The following UBE2B variants were observed in gnomAD, a reference collection of about 807,000 sequenced individuals.
UBE2B encodes ubiquitin-conjugating enzyme E2 B.
In UBE2B, 11 loss-of-function variants were observed where a neutral mutation model predicts 24.6. The observed-to-expected ratio is 0.45, with a 90% CI of 0.28 to 0.74. UBE2B has a LOEUF of 0.74. UBE2B is among the 30% of genes least tolerant of loss of function. UBE2B has a pLI of 0.13. For synonymous variants in UBE2B, 68 were observed against 62.4 expected (o/e 1.09, Z -0.42); for missense variants, 78 against 185.6 (o/e 0.42, Z 3.37).
chr5:134,379,937 C>CA (rs1219545003), intron 3 of UBE2B, among the ~76,000 whole-genome samples: 2 of 151,078 alleles, frequency 1.3e-5, no homozygotes, highest in Non-Finnish European at 3.0e-5. Context: ...TTTTTGGAGA[C>CA]AGAGTCTTGC....
intron 3 of UBE2B, among the ~76,000 whole-genome samples, chr5:134,378,050 G>A (rs1758638192): frequency 6.6e-6 from 1 of 152,038 alleles, no homozygotes; most frequent in African/African-American, 2.4e-5. Flanking sequence ...AGGCATGGTG[G>A]TACATGCCTT....
chr5:134,371,718 C>T, intron 1 of UBE2B, 79 bp downstream of exon 1: 6 of 1,591,806 alleles, frequency 3.8e-6, no homozygotes, highest in South Asian at 1.1e-5. Flanking sequence ...GACACCTTCC[C>T]CTTTGTGACC....
intron 2 of UBE2B, among the ~76,000 whole-genome samples, chr5:134,374,957 A>G (rs1426821008): frequency 6.6e-6 from 1 of 152,120 alleles, no homozygotes; most frequent in Non-Finnish European, 1.5e-5. Context: ...AAAAAAAAAA[A>G]GGAAAAAGTT....
At chr5:134,374,593 T>A in intron 2 of UBE2B, 130 bp downstream of exon 2, 28 of 1,041,534 alleles carry the variant, frequency 2.7e-5, no homozygotes, top group Admixed American at 2.3e-4. Context: ...GCAAGATAAA[T>A]TAGAAAAAAA....
chr5:134,386,739 A>G (rs2149693590), intron 4 of UBE2B, among the ~76,000 whole-genome samples: 1 of 152,276 alleles, frequency 6.6e-6, no homozygotes, highest in East Asian at 1.9e-4. Context: ...TTGACTACAT[A>G]TACTTTAAAT....
At position 134,375,659 on chromosome 5, in the gene UBE2B, C is replaced by T. The variant is rs1217898104; in HGVS notation, c.126-1010C>T. Reference sequence around the variant, plus strand: ...AAAATACAAAAAAAAATTAGCCGGGCGAGGTGGCGGGCGCCTGTAGTCCCA... The same window carrying T: ...AAAATACAAAAAAAAATTAGCCGGGTGAGGTGGCGGGCGCCTGTAGTCCCA... On this transcript the variant is annotated intron_variant, in intron 2 of 5. Transcript: ENST00000265339. 2.4e-4 allele frequency among the ~76,000 whole-genome samples: 36 copies of T among 151,680 alleles called. 1 individual carries two copies. The highest frequency in any genetic ancestry group is 2.2e-3 in the Admixed American group (34 of 15,220).
intron 1 of UBE2B, 81 bp from the exon 2 acceptor site, chr5:134,374,302 G>A (rs549370621): frequency 1.6e-6 from 2 of 1,233,534 alleles, no homozygotes; most frequent in Non-Finnish European, 2.3e-6. Flanking sequence ...AAAATAGATG[G>A]TATAGTGTCT....
At chr5:134,382,957 G>A (rs918527273) in intron 4 of UBE2B, among the ~76,000 whole-genome samples, 2 of 151,916 alleles carry the variant, frequency 1.3e-5, no homozygotes, top group African/African-American at 4.8e-5. Flanking sequence ...ATGAGGTCAA[G>A]AGATCAAGAC....
In UBE2B at chr5:134,376,337, A is replaced by AT. The variant is rs1327583076; in HGVS notation, c.126-332_126-331insT. Among the ~76,000 whole-genome samples, 88 of 76,978 alleles carry AT rather than the reference A, an allele frequency of 1.1e-3. 5 individuals carry two copies. The highest frequency in any genetic ancestry group is 2.3e-3 in the South Asian group (5 of 2,156). 50.5% of individuals were successfully genotyped at this position (76,978 alleles called of 152,430 possible). ...AACTCCGTCTCAAAAAAAAAAAAAA[A>AT]AAAAAAAAAAAATATATATATATAT... On this transcript the variant is annotated intron_variant, in intron 2 of 5. Transcript: ENST00000265339.
intron 4 of UBE2B, 69 bp from the exon 5 acceptor site, chr5:134,388,256 T>G: frequency 7.6e-7 from 1 of 1,313,274 alleles, no homozygotes. Flanking sequence ...AGCATTCTGT[T>G]TGGTAAAGAT....
rs1009356207 is a variant in UBE2B at position 134,388,084 on chromosome 5, G to T, written c.242-241G>T. ...CTCCCAAAGTGTTCAGGACTGGCGTGAGCCACCGTGCCCAGCCTCCAGCAA... is the reference window on the plus strand; with the variant it reads ...CTCCCAAAGTGTTCAGGACTGGCGTTAGCCACCGTGCCCAGCCTCCAGCAA... On this transcript the variant is annotated intron_variant, in intron 4 of 5. Coordinates refer to ENST00000265339, the MANE Select transcript of UBE2B (RefSeq NM_003337.4). 5.8e-6 allele frequency: 3 copies of T among 514,406 alleles called. No homozygotes were observed. In the Admixed American group the frequency reaches 9.5e-5, roughly 16 times the overall value. The allele number at this position is 514,406 out of a possible 1,614,324, so 31.9% of individuals were successfully genotyped here.
chr5:134,385,560 C>T (rs531232998), intron 4 of UBE2B: 10 of 152,080 alleles, frequency 6.6e-5, no homozygotes, highest in African/African-American at 2.2e-4. Flanking sequence ...AAATACTTAA[C>T]GTTCATTGCT....
At chr5:134,388,946 GTTTTTTTTTTTTT>G in intron 5 of UBE2B, 23 of 172,264 alleles carry the variant, frequency 1.3e-4, no homozygotes, top group South Asian at 3.2e-4. Context: ...TTCTTTAATT[GTTTTTTTTTTTTT>G]TTTTTTTTTT....
At chr5:134,381,781 T>G (rs1233202192) in intron 4 of UBE2B, among the ~76,000 whole-genome samples, 2 of 151,930 alleles carry the variant, frequency 1.3e-5, no homozygotes, top group Non-Finnish European at 2.9e-5. Flanking sequence ...CCATCACTAC[T>G]AAAAATACAA....
intron 3 of UBE2B, among the ~76,000 whole-genome samples, chr5:134,379,754 A>C (rs1217109285): frequency 6.6e-6 from 1 of 152,126 alleles, no homozygotes; most frequent in East Asian, 1.9e-4. Context: ...CGGTATTGTA[A>C]TAGATGGAGT....
rs1758882134 is a variant in UBE2B at position 134,390,415 on chromosome 5, A to C, written c.*62A>C. ...GTGTATAATTTACCTCTCATTAGAA[A>C]GGCTAACAAATTTTAAGTGCCACAG... On this transcript the variant is annotated 3_prime_UTR_variant, in exon 6 of 6. Transcript: ENST00000265339. The surrounding 1 kb of genome is among the most constrained non-coding windows in gnomAD (Gnocchi z 4.6). 3 of 1,605,554 alleles carry C rather than the reference A, an allele frequency of 1.9e-6. No individual in the cohort carries two copies. Among genetic ancestry groups the C allele is most frequent in the South Asian group, 1.1e-5 (1 of 89,998 alleles).
At position 134,371,769 on chromosome 5, in the gene UBE2B, C is replaced by A. The variant is rs1365847365; in HGVS notation, c.44+130C>A. 8 of 1,405,062 alleles carry A rather than the reference C, an allele frequency of 5.7e-6. No homozygotes were observed. The East Asian group carries it at 1.5e-4, about 26-fold the overall frequency. The allele number at this position is 1,405,062 out of a possible 1,614,324, so 87.0% of individuals were successfully genotyped here. ...GTGGGCCCAGCGGGACTGGCGGAAGCCGGGTCCTAGCCTCGGCCCTACTCC... is the reference window on the plus strand; with the variant it reads ...GTGGGCCCAGCGGGACTGGCGGAAGACGGGTCCTAGCCTCGGCCCTACTCC... On this transcript the variant is annotated intron_variant, in intron 1 of 5. Coordinates refer to ENST00000265339, the MANE Select transcript of UBE2B (RefSeq NM_003337.4).
intron 3 of UBE2B, among the ~76,000 whole-genome samples, chr5:134,378,826 G>A (rs1161608476): frequency 6.6e-6 from 1 of 151,580 alleles, no homozygotes; most frequent in Non-Finnish European, 1.5e-5. Context: ...CTACTCGGGA[G>A]ACTGAGGCAG....
intron 5 of UBE2B, chr5:134,389,065 C>A: frequency 3.4e-6 from 1 of 293,802 alleles, no homozygotes; most frequent in Non-Finnish European, 6.5e-6. Flanking sequence ...GATTATCCTG[C>A]CTCAGCCTCC....
Sources: allele counts gnomAD v4.1 joint callset (sites outside exome capture counted in the v4.1 genomes callset), GRCh38; gene constraint gnomAD v4.1.1; non-coding constraint Gnocchi (gnomAD v3.1); transcripts MANE v1.5; gene names NCBI Gene and HGNC (gene_info 2026-07-23, HGNC 2026-07-21).